The following TENM3 variants were observed in gnomAD, a reference collection of about 807,000 sequenced individuals.
TENM3 encodes teneurin transmembrane protein 3.
A neutral mutation model predicts 255.1 loss-of-function variants in TENM3; 63 were observed. The ratio of observed to expected loss-of-function variants is 0.25; its 90% CI spans 0.20 to 0.30. TENM3 has a LOEUF of 0.30. TENM3 is among the 10% of genes least tolerant of loss of function. TENM3 has a pLI of 1.00. For missense variants in TENM3, 2,929 were observed against 3,461.1 expected, an observed-to-expected ratio of 0.85 and a Z score of 3.86; for synonymous variants, 1,306 against 1,322.3, an observed-to-expected ratio of 0.99 and a Z score of 0.27.
the TENM3 span, among the ~76,000 whole-genome samples, chr4:181,870,884 G>T: frequency 3.8e-4 from 58 of 151,782 alleles, no homozygotes; most frequent in African/African-American, 1.2e-3. Context: ...CCAATACCAG[G>T]TTTGAAAATC....
At chr4:182,406,080 TG>T (rs1357921491) in intron 3 of TENM3, among the ~76,000 whole-genome samples, 68 of 152,160 alleles carry the variant, frequency 4.5e-4, no homozygotes, top group African/African-American at 1.5e-3. Context: ...CTGAGGTGGG[TG>T]GATCACCTGC....
Position 182,802,484 on chromosome 4 carries a change from A to C in TENM3, c.*2133A>C, listed in dbSNP as rs2152843824. On this transcript the variant is annotated 3_prime_UTR_variant, in exon 28 of 28. Coordinates refer to ENST00000511685, the MANE Select transcript of TENM3 (RefSeq NM_001080477.4). Reference sequence around the variant, plus strand: ...TTTGGGTGAAATAGGCTCTGAGTCTAAATTCTCAGACATGTTTCTGATGTA... The same window carrying C: ...TTTGGGTGAAATAGGCTCTGAGTCTCAATTCTCAGACATGTTTCTGATGTA... The C allele has an allele frequency of 6.5e-6, 1 of 152,770 alleles. No homozygotes were observed. The highest frequency in any genetic ancestry group is 1.5e-5 in the Non-Finnish European group (1 of 68,038). The allele number at this position is 152,770 out of a possible 1,614,324, so 9.5% of individuals were successfully genotyped here. A position where few individuals can be genotyped will look rare whatever the true frequency, so the allele number is the denominator to read the frequency against.
the TENM3 span, among the ~76,000 whole-genome samples, chr4:181,839,980 G>A: frequency 0.069 from 10,465 of 151,956 alleles, 966 homozygotes; most frequent in East Asian, 0.52. Context: ...TGTTGCTTCA[G>A]TCATTTTCTG....
intron 1 of TENM3, among the ~76,000 whole-genome samples, chr4:182,263,967 G>C (rs1425658385): frequency 6.6e-6 from 1 of 152,152 alleles, no homozygotes; most frequent in Non-Finnish European, 1.5e-5. Context: ...ATGCGGCTTG[G>C]CCCCCAGGGC....
At chr4:182,128,174 G>A in the TENM3 span, among the ~76,000 whole-genome samples, 4 of 151,906 alleles carry the variant, frequency 2.6e-5, no homozygotes, top group African/African-American at 7.2e-5. Flanking sequence ...GGAAAAAAAC[G>A]CAGAAACCCT....
intron 3 of TENM3, among the ~76,000 whole-genome samples, chr4:182,558,692 G>T (rs894395631): frequency 2.6e-5 from 4 of 152,116 alleles, no homozygotes; most frequent in South Asian, 4.1e-4. Flanking sequence ...AAAATGGCAT[G>T]CATTAAAGTA....
the TENM3 span, among the ~76,000 whole-genome samples, chr4:181,903,772 C>T: frequency 6.6e-6 from 1 of 152,154 alleles, no homozygotes; most frequent in Non-Finnish European, 1.5e-5. Context: ...GAGGGCCCCT[C>T]CTGGTTCTAC....
chr4:181,616,219 T>C, the TENM3 span, among the ~76,000 whole-genome samples: 1 of 145,534 alleles, frequency 6.9e-6, no homozygotes, highest in East Asian at 2.0e-4. Flanking sequence ...GTGTATTCCA[T>C]ATGCTAATAT....
the TENM3 span, among the ~76,000 whole-genome samples, chr4:181,554,930 T>G: frequency 3.9e-5 from 6 of 152,202 alleles, no homozygotes; most frequent in Non-Finnish European, 7.3e-5. Flanking sequence ...CAGTTTATTT[T>G]TAATACTTTG....
chr4:182,110,276 A>G, the TENM3 span, among the ~76,000 whole-genome samples: 1 of 151,876 alleles, frequency 6.6e-6, no homozygotes, highest in East Asian at 1.9e-4. Context: ...AATATTTACT[A>G]TTTGCACTGA....
chr4:181,773,885 C>G, the TENM3 span, among the ~76,000 whole-genome samples: 1 of 152,100 alleles, frequency 6.6e-6, no homozygotes, highest in African/African-American at 2.4e-5. Flanking sequence ...TGAATGCCCT[C>G]TGCAGTATTC....
At chr4:182,434,128 AAG>A (rs1771871129) in intron 3 of TENM3, among the ~76,000 whole-genome samples, 11 of 151,290 alleles carry the variant, frequency 7.3e-5, no homozygotes, top group Admixed American at 1.3e-4. Flanking sequence ...AAAAAAAAAA[AAG>A]GTAGAGTAGT....
chr4:182,049,480 C>A, the TENM3 span, among the ~76,000 whole-genome samples: 1 of 152,170 alleles, frequency 6.6e-6, no homozygotes, highest in Non-Finnish European at 1.5e-5. Flanking sequence ...CCTAGTGTCA[C>A]CTGGAATTGC....
chr4:182,301,257 C>T (rs1418800808), intron 1 of TENM3, among the ~76,000 whole-genome samples: 1 of 152,154 alleles, frequency 6.6e-6, no homozygotes, highest in Non-Finnish European at 1.5e-5. Context: ...TCTACGTGCC[C>T]CTGAAATTTT....
chr4:181,867,695 A>C, the TENM3 span, among the ~76,000 whole-genome samples: 1 of 152,206 alleles, frequency 6.6e-6, no homozygotes, highest in Non-Finnish European at 1.5e-5. Flanking sequence ...ATGTACTGTT[A>C]TGATAAAATT....
the TENM3 span, among the ~76,000 whole-genome samples, chr4:182,104,942 C>G: frequency 6.6e-6 from 1 of 152,110 alleles, no homozygotes; most frequent in East Asian, 1.9e-4. Flanking sequence ...GTTAGTAATG[C>G]AGCTTCTGCC....
At chr4:181,948,657 C>T in the TENM3 span, among the ~76,000 whole-genome samples, 1 of 152,108 alleles carries the variant, frequency 6.6e-6, no homozygotes, top group African/African-American at 2.4e-5. Context: ...ACCTCGTGAT[C>T]TGCCCACCTC....
At chr4:181,959,175 T>C in the TENM3 span, among the ~76,000 whole-genome samples, 1 of 152,304 alleles carries the variant, frequency 6.6e-6, no homozygotes, top group East Asian at 1.9e-4. Flanking sequence ...TCAAATGCCA[T>C]TTCCTCTAGG....
chr4:181,866,259 A>T, the TENM3 span, among the ~76,000 whole-genome samples: 25 of 152,340 alleles, frequency 1.6e-4, no homozygotes, highest in Non-Finnish European at 3.2e-4. Context: ...GCTATAGCTA[A>T]AATCACAGTG....
Sources: gnomAD v4.1 joint callset for allele counts (sites outside exome capture counted in the v4.1 genomes callset) on GRCh38, gnomAD v4.1.1 for gene constraint, MANE v1.5 for transcripts, NCBI Gene and HGNC (gene_info 2026-07-23, HGNC 2026-07-21) for gene names.